The following PI4K2B variants were observed in gnomAD, a reference collection of about 807,000 sequenced individuals.
PI4K2B encodes phosphatidylinositol 4-kinase type 2 beta.
A neutral mutation model predicts 56.6 loss-of-function variants in PI4K2B; 46 were observed. That is an observed-to-expected ratio of 0.81 (90% CI 0.64 to 1.04). PI4K2B has a LOEUF of 1.04. PI4K2B is among the 50% of genes least tolerant of loss of function. The pLI, the probability that PI4K2B is intolerant of heterozygous loss-of-function variation, is 0.00. For synonymous variants in PI4K2B, 211 were observed against 223.8 expected, an observed-to-expected ratio of 0.94 and a Z score of 0.51; for missense variants, 556 against 607.7, an observed-to-expected ratio of 0.91 and a Z score of 0.89.
intron 7 of PI4K2B, among the ~76,000 whole-genome samples, chr4:25,265,560 C>T (rs1169823482): frequency 1.3e-5 from 2 of 152,116 alleles, no homozygotes; most frequent in Admixed American, 1.3e-4. Flanking sequence ...CTCTATGGCT[C>T]TGCTTTACAT....
At chr4:25,275,003 C>G (rs1717046017) in intron 9 of PI4K2B, among the ~76,000 whole-genome samples, 1 of 151,918 alleles carries the variant, frequency 6.6e-6, no homozygotes, top group African/African-American at 2.4e-5. Context: ...GGGGTTTCAT[C>G]ATGTTGGTCA....
At chr4:25,255,882 C>T (rs1013091478) in intron 3 of PI4K2B, among the ~76,000 whole-genome samples, 2 of 150,970 alleles carry the variant, frequency 1.3e-5, no homozygotes, top group African/African-American at 4.9e-5. Context: ...GTAGCTGGGA[C>T]TATAGGCACA....
chr4:25,251,643 T>C (rs940737178), intron 1 of PI4K2B, among the ~76,000 whole-genome samples: 4 of 151,922 alleles, frequency 2.6e-5, no homozygotes, highest in African/African-American at 9.7e-5. Flanking sequence ...GTGCTTGAAA[T>C]TGAAAGTGTG....
intron 1 of PI4K2B, among the ~76,000 whole-genome samples, chr4:25,241,769 G>C (rs544067792): frequency 1.6e-4 from 24 of 152,284 alleles, no homozygotes; most frequent in African/African-American, 5.3e-4. Context: ...ACTGGTTGTG[G>C]GGTTGTCCCA....
chr4:25,263,132 A>G (rs313538), intron 6 of PI4K2B, among the ~76,000 whole-genome samples: 12,945 of 152,196 alleles, frequency 0.085, 714 homozygotes, highest in South Asian at 0.19. Context: ...AACTGCCCCC[A>G]TGATCCGATT....
At chr4:25,246,944 T>C (rs1715811060) in intron 1 of PI4K2B, among the ~76,000 whole-genome samples, 1 of 152,192 alleles carries the variant, frequency 6.6e-6, no homozygotes. Context: ...CACCTGGAAC[T>C]TGCGCTGGCC....
At chr4:25,274,434 A>G (rs1717024623) in intron 9 of PI4K2B, among the ~76,000 whole-genome samples, 1 of 152,174 alleles carries the variant, frequency 6.6e-6, no homozygotes, top group Non-Finnish European at 1.5e-5. Context: ...ACAGATAGTA[A>G]TAGATTTGTT....
chr4:25,242,110 G>T (rs1429781273), intron 1 of PI4K2B, among the ~76,000 whole-genome samples: 1 of 152,180 alleles, frequency 6.6e-6, no homozygotes, highest in Non-Finnish European at 1.5e-5. Context: ...CTTGCTGAGG[G>T]CCCTGGTCCC....
intron 6 of PI4K2B, among the ~76,000 whole-genome samples, chr4:25,262,234 G>A (rs980930355): frequency 5.9e-5 from 9 of 152,132 alleles, no homozygotes; most frequent in Admixed American, 3.3e-4. Flanking sequence ...CCAGCTATTC[G>A]GGAGGCTGAG....
chr4:25,256,157 G>A (rs1716256263), intron 3 of PI4K2B, among the ~76,000 whole-genome samples: 2 of 152,286 alleles, frequency 1.3e-5, no homozygotes, highest in East Asian at 1.9e-4. Context: ...AGCTCAAGCA[G>A]TCTACCTGCC....
intron 1 of PI4K2B, among the ~76,000 whole-genome samples, chr4:25,244,887 C>G (rs1407465986): frequency 6.6e-6 from 1 of 152,152 alleles, no homozygotes; most frequent in Non-Finnish European, 1.5e-5. Context: ...GACGCATTCT[C>G]AAAAACCTGT....
At chr4:25,270,553 G>T (rs796487313) in intron 9 of PI4K2B, among the ~76,000 whole-genome samples, 23 of 151,974 alleles carry the variant, frequency 1.5e-4, no homozygotes, top group African/African-American at 5.3e-4. Flanking sequence ...TCACCATGTC[G>T]GCCAGGCTGG....
chr4:25,269,324 T>C (rs751453263), intron 9 of PI4K2B, 121 bp downstream of exon 9: 4 of 611,818 alleles, frequency 6.5e-6, no homozygotes, highest in African/African-American at 1.9e-5. Context: ...TGAACCAAAA[T>C]AGCCCAGATT....
chr4:25,240,647 A>C (rs1047804450), intron 1 of PI4K2B, among the ~76,000 whole-genome samples: 1 of 152,218 alleles, frequency 6.6e-6, no homozygotes. Context: ...GATGTTCCAC[A>C]TAACAAGAAT....
chr4:25,267,192 G>A (rs372530810), intron 7 of PI4K2B, among the ~76,000 whole-genome samples: 2 of 152,182 alleles, frequency 1.3e-5, no homozygotes, highest in Admixed American at 1.3e-4. Context: ...GGTGGCCTTA[G>A]GAGAGAGTGT....
At chr4:25,248,259 A>G (rs1352687981) in intron 1 of PI4K2B, among the ~76,000 whole-genome samples, 1 of 152,206 alleles carries the variant, frequency 6.6e-6, no homozygotes, top group East Asian at 1.9e-4. Context: ...TCTGCATTTT[A>G]AAGGACCAGT....
At chr4:25,246,719 G>A (rs530306092) in intron 1 of PI4K2B, among the ~76,000 whole-genome samples, 240 of 152,358 alleles carry the variant, frequency 1.6e-3, no homozygotes, top group Non-Finnish European at 2.3e-3. Flanking sequence ...AGCCCACGGC[G>A]GCGGGGGGAG....
intron 7 of PI4K2B, chr4:25,267,951 T>G (rs1716726774): frequency 1.5e-6 from 1 of 679,732 alleles, no homozygotes; most frequent in South Asian, 6.6e-5. Context: ...CCGGGTGCGG[T>G]GATATGCATC....
chr4:25,263,529 T>C (rs937936104), intron 6 of PI4K2B, among the ~76,000 whole-genome samples: 5 of 152,166 alleles, frequency 3.3e-5, no homozygotes, highest in African/African-American at 1.2e-4. Flanking sequence ...TGAGTAATGG[T>C]ATAATATGAA....
Sources: gnomAD v4.1 joint callset for allele counts (sites outside exome capture counted in the v4.1 genomes callset) on GRCh38, gnomAD v4.1.1 for gene constraint, MANE v1.5 for transcripts, NCBI Gene and HGNC (gene_info 2026-07-23, HGNC 2026-07-21) for gene names.